SUGCT: variants seen among roughly 807,000 people sequenced by gnomAD.
The protein encoded by SUGCT is succinyl-CoA:glutarate CoA-transferase.
A neutral mutation model predicts 55.0 loss-of-function variants in SUGCT; 41 were observed. The ratio of observed to expected loss-of-function variants is 0.74; its 90% confidence interval spans 0.58 to 0.97. SUGCT has a LOEUF of 0.97. Ranked by LOEUF, SUGCT falls within the 50% of genes least tolerant of loss-of-function variation. SUGCT has a pLI of 0.00. For synonymous variants in SUGCT, 187 were observed against 200.4 expected (o/e 0.93, Z 0.56); for missense variants, 568 against 547.8 (o/e 1.04, Z -0.37).
chr7:40,650,568 T>C (rs1800728339), intron 12 of SUGCT, among the ~76,000 whole-genome samples: 1 of 152,210 alleles, frequency 6.6e-6, no homozygotes, highest in African/African-American at 2.4e-5. Context: ...AGTGATCCCA[T>C]GGACATGTTT....
intron 11 of SUGCT, among the ~76,000 whole-genome samples, chr7:40,477,399 G>A (rs1790760040): frequency 1.3e-5 from 2 of 152,120 alleles, no homozygotes; most frequent in South Asian, 4.1e-4. Flanking sequence ...GAATGTAGTA[G>A]TATTTCCTGG....
At chr7:40,197,717 A>G (rs1301005547) in intron 6 of SUGCT, among the ~76,000 whole-genome samples, 2 of 152,354 alleles carry the variant, frequency 1.3e-5, no homozygotes, top group East Asian at 3.9e-4. Context: ...TCCAATACCA[A>G]TGGGTGGTGA....
chr7:40,967,484 C>G, the SUGCT span, among the ~76,000 whole-genome samples: 1 of 152,168 alleles, frequency 6.6e-6, no homozygotes, highest in Non-Finnish European at 1.5e-5. Context: ...ATACAATAAC[C>G]TCCTTCCTGC....
At chr7:40,928,958 A>G in the SUGCT span, among the ~76,000 whole-genome samples, 18 of 151,898 alleles carry the variant, frequency 1.2e-4, no homozygotes, top group African/African-American at 4.4e-4. Flanking sequence ...TTGTACTTTA[A>G]GTTCTAGGGT....
At chr7:40,208,302 G>A (rs1003030988) in intron 6 of SUGCT, among the ~76,000 whole-genome samples, 4 of 151,976 alleles carry the variant, frequency 2.6e-5, no homozygotes, top group African/African-American at 4.8e-5. Context: ...ATTTAATGCC[G>A]GTGCACTGTA....
chr7:40,546,925 A>G (rs1274994013), intron 12 of SUGCT: 1 of 152,196 alleles, frequency 6.6e-6, no homozygotes, highest in Non-Finnish European at 1.5e-5. Context: ...TTCAAGCATA[A>G]TTCTAATCAT....
intron 5 of SUGCT, among the ~76,000 whole-genome samples, 176 bp downstream of exon 5, chr7:40,189,770 A>T (rs1231897785): frequency 6.6e-6 from 1 of 152,074 alleles, no homozygotes; most frequent in Non-Finnish European, 1.5e-5. Flanking sequence ...TGTGCTTTAA[A>T]TTTTTTGTAT....
At chr7:40,890,663 G>T in the SUGCT span, among the ~76,000 whole-genome samples, 1 of 152,180 alleles carries the variant, frequency 6.6e-6, no homozygotes, top group Non-Finnish European at 1.5e-5. Context: ...CAGAACCTCT[G>T]CATGGGCTGA....
chr7:40,634,801 G>A (rs990825477), intron 12 of SUGCT, among the ~76,000 whole-genome samples: 2 of 152,164 alleles, frequency 1.3e-5, no homozygotes, highest in African/African-American at 2.4e-5. Context: ...AAAGGAATGA[G>A]TATCCAAATT....
chr7:40,609,296 C>A (rs1455972479), intron 12 of SUGCT, among the ~76,000 whole-genome samples: 2 of 152,034 alleles, frequency 1.3e-5, no homozygotes, highest in East Asian at 3.9e-4. Context: ...TTCTTCCTTA[C>A]AATAGAAATA....
At chr7:40,468,224 T>C (rs1376375486) in intron 11 of SUGCT, among the ~76,000 whole-genome samples, 1 of 152,210 alleles carries the variant, frequency 6.6e-6, no homozygotes, top group African/African-American at 2.4e-5. Flanking sequence ...AATACACCCA[T>C]GACTTCTCCT....
chr7:40,746,113 A>G (rs763910961), intron 12 of SUGCT, among the ~76,000 whole-genome samples: 5 of 152,188 alleles, frequency 3.3e-5, no homozygotes, highest in Non-Finnish European at 7.3e-5. Context: ...GGCAAAGTTA[A>G]GTGTCAAACA....
At chr7:40,563,131 C>T (rs984256807) in intron 12 of SUGCT, among the ~76,000 whole-genome samples, 2 of 152,166 alleles carry the variant, frequency 1.3e-5, no homozygotes, top group Admixed American at 6.5e-5. Flanking sequence ...TCCTCCCATG[C>T]TTTCTTAGCA....
At chr7:40,670,169 C>CAAAAAAAAAAAAAAAAA (rs34786531) in intron 12 of SUGCT, among the ~76,000 whole-genome samples, 18 of 58,222 alleles carry the variant, frequency 3.1e-4, no homozygotes, top group South Asian at 9.0e-4. Flanking sequence ...GACTCCATCT[C>CAAAAAAAAAAAAAAAAA]AAAAAAAAAA....
chr7:40,436,328 C>G (rs1788175866), intron 9 of SUGCT, among the ~76,000 whole-genome samples: 1 of 152,122 alleles, frequency 6.6e-6, no homozygotes, highest in Non-Finnish European at 1.5e-5. Context: ...TACTCTAATG[C>G]CACTTTAGGT....
chr7:40,512,887 G>A (rs543857650), intron 12 of SUGCT, among the ~76,000 whole-genome samples: 55 of 152,214 alleles, frequency 3.6e-4, no homozygotes, highest in Admixed American at 6.5e-4. Context: ...TGCCATGTTG[G>A]GGAGTTTGAT....
At chr7:40,894,046 T>C in the SUGCT span, among the ~76,000 whole-genome samples, 1 of 135,814 alleles carries the variant, frequency 7.4e-6, no homozygotes, top group African/African-American at 2.6e-5. Flanking sequence ...AGAGTGAGAC[T>C]CTGTCTTAAG....
chr7:41,010,387 A>G, the SUGCT span, among the ~76,000 whole-genome samples: 4 of 152,246 alleles, frequency 2.6e-5, no homozygotes, highest in Non-Finnish European at 5.9e-5. Context: ...GAGTAAAAAA[A>G]TGGATAGGAT....
chr7:40,452,936 C>T lies in SUGCT; in HGVS notation c.888+3578C>T, dbSNP rs564412023. ...TAGTAAGAGATTTAGGGGAGAACAC[C>T]TGAATTTGAAGTACCTCTAACTGGC... On this transcript the variant is annotated intron_variant, in intron 10 of 13. Transcript: ENST00000335693. Among the ~76,000 whole-genome samples the T allele has an allele frequency of 5.3e-5, 8 of 152,206 alleles. 1 individual carries two copies. Among genetic ancestry groups the T allele is most frequent in the Admixed American group, 5.2e-4 (8 of 15,298 alleles).
Sources: gnomAD v4.1 joint callset for allele counts (sites outside exome capture counted in the v4.1 genomes callset) on GRCh38, gnomAD v4.1.1 for gene constraint, MANE v1.5 for transcripts, NCBI Gene and HGNC (gene_info 2026-07-23, HGNC 2026-07-21) for gene names.